TBC1D14: variants seen among roughly 807,000 people sequenced by gnomAD.
TBC1D14 encodes TBC1 domain family member 14.
A neutral mutation model predicts 79.0 loss-of-function variants in TBC1D14; 26 were observed. The ratio of observed to expected loss-of-function variants is 0.33; its 90% CI spans 0.24 to 0.46. TBC1D14 has a LOEUF of 0.46. Among genes scored for constraint, TBC1D14 ranks in the 20% least tolerant of loss-of-function variants. TBC1D14 has a pLI of 1.00. For missense variants in TBC1D14, 769 were observed against 887.6 expected (o/e 0.87, Z 1.70); for synonymous variants, 394 against 349.9 (o/e 1.13, Z -1.40).
chr4:6,944,959 G>A (rs1297687730), intron 2 of TBC1D14, among the ~76,000 whole-genome samples: 4 of 152,198 alleles, frequency 2.6e-5, no homozygotes, highest in African/African-American at 4.8e-5. Context: ...TTAAGGACAG[G>A]GCCTAGATCT....
At chr4:6,937,078 C>T (rs4689057) in intron 2 of TBC1D14, among the ~76,000 whole-genome samples, 97,676 of 151,936 alleles carry the variant, frequency 0.64, 31,970 homozygotes, top group South Asian at 0.8. Context: ...CCACTGCGCC[C>T]GGCTAATTTT....
chr4:6,962,945 A>C (rs149891266), intron 2 of TBC1D14, among the ~76,000 whole-genome samples: 2 of 152,306 alleles, frequency 1.3e-5, no homozygotes, highest in African/African-American at 4.8e-5. Flanking sequence ...ACGTGTGTAG[A>C]ACCTACTGCA....
At chr4:7,028,404 A>G (rs1347055106) in intron 13 of TBC1D14, among the ~76,000 whole-genome samples, 1 of 151,252 alleles carries the variant, frequency 6.6e-6, no homozygotes, top group Non-Finnish European at 1.5e-5. Flanking sequence ...GGGCTTGGGC[A>G]TCAGTGACGT....
intron 2 of TBC1D14, among the ~76,000 whole-genome samples, chr4:6,932,421 C>T (rs1354165196): frequency 6.6e-6 from 1 of 150,824 alleles, no homozygotes; most frequent in Non-Finnish European, 1.5e-5. Flanking sequence ...CAAAGTTAAC[C>T]AAGCAGGTAC....
At chr4:6,947,371 GCCTGTAGTC>G (rs940685808) in intron 2 of TBC1D14, among the ~76,000 whole-genome samples, 4 of 152,268 alleles carry the variant, frequency 2.6e-5, no homozygotes, top group African/African-American at 9.6e-5. Flanking sequence ...GGTGGCGGGT[GCCTGTAGTC>G]CCAGCTACTT....
In TBC1D14 at chr4:7,030,516, T is replaced by C; in HGVS notation, c.*124T>C. The C allele has an allele frequency of 1.0e-6, 1 of 967,054 alleles. No homozygotes were observed. The highest frequency in any genetic ancestry group is 1.6e-6 in the Non-Finnish European group (1 of 633,030). The allele number at this position is 967,054 out of a possible 1,614,324, so 59.9% of individuals were successfully genotyped here. A position where few individuals can be genotyped will look rare whatever the true frequency, so the allele number is the denominator to read the frequency against. Reference sequence around the variant, plus strand: ...GCTCTTTAAGTTTGATTCCTAACACTGGAGTTGGCCTTAAACAAAACAAAC... The same window carrying C: ...GCTCTTTAAGTTTGATTCCTAACACCGGAGTTGGCCTTAAACAAAACAAAC... On this transcript the variant is annotated 3_prime_UTR_variant, in exon 14 of 14. Coordinates refer to ENST00000409757, the MANE Select transcript of TBC1D14 (RefSeq NM_020773.3).
At chr4:6,939,469 C>G (rs1291692994) in intron 2 of TBC1D14, among the ~76,000 whole-genome samples, 1 of 152,140 alleles carries the variant, frequency 6.6e-6, no homozygotes, top group Non-Finnish European at 1.5e-5. Context: ...TTATTGTACG[C>G]TGGTGCTCAT....
At chr4:7,011,267 A>G (rs1720738587) in intron 11 of TBC1D14, among the ~76,000 whole-genome samples, 2 of 149,706 alleles carry the variant, frequency 1.3e-5, no homozygotes, top group South Asian at 2.2e-4. Flanking sequence ...AAAGGCAGCC[A>G]TTTGTTTAGT....
rs1236393745 is a variant in TBC1D14, at chr4:6,925,385, G to C, written c.722+1274G>C. 3.3e-5 allele frequency among the ~76,000 whole-genome samples: 5 copies of C among 152,316 alleles called. No individual in the cohort carries two copies. The East Asian group carries it at 5.8e-4, about 18-fold the overall frequency. Reference sequence around the variant, plus strand: ...CTGCAGTTGACCCTGGCTGCCCCGTGTGTGTGTCTCTAGCAGAACCCACGT... The same window carrying C: ...CTGCAGTTGACCCTGGCTGCCCCGTCTGTGTGTCTCTAGCAGAACCCACGT... On this transcript the variant is annotated intron_variant, in intron 2 of 13. Coordinates refer to ENST00000409757, the MANE Select transcript of TBC1D14 (RefSeq NM_020773.3).
At chr4:7,008,295 T>C (rs1435384901) in intron 9 of TBC1D14, among the ~76,000 whole-genome samples, 1 of 152,228 alleles carries the variant, frequency 6.6e-6, no homozygotes, top group Non-Finnish European at 1.5e-5. Context: ...CTCTCAGCCC[T>C]GGTAGAAAGT....
At position 6,923,500 on chromosome 4, in the gene TBC1D14, GC is replaced by G; in HGVS notation, c.115del (p.Arg39AspfsTer12). The G allele has an allele frequency of 6.2e-7, 1 of 1,614,130 alleles. No homozygotes were observed. The highest frequency in any genetic ancestry group is 8.5e-7 in the Non-Finnish European group (1 of 1,180,030). ...ACCTGCAACACGTCAATCTCAAGGC[GC>G]CCCGACTCCTCTCCGCGCCTGAGTA... ...QNLQHVNLKA[P>X]RLLSAPEYGP... is the part of the protein sequence containing the mutation. On this transcript the variant is annotated frameshift_variant, in exon 2 of 14. Coordinates refer to ENST00000409757, the MANE Select transcript of TBC1D14 (RefSeq NM_020773.3). LOFTEE classifies it high-confidence loss of function.
chr4:6,925,257 A>C (rs1724199313), intron 2 of TBC1D14, among the ~76,000 whole-genome samples: 2 of 152,086 alleles, frequency 1.3e-5, no homozygotes, highest in East Asian at 3.9e-4. Flanking sequence ...ACAGAATGAG[A>C]CTCCATCTCA....
chr4:6,983,356 C>T (rs970612752), intron 3 of TBC1D14, among the ~76,000 whole-genome samples: 1 of 152,104 alleles, frequency 6.6e-6, no homozygotes, highest in Non-Finnish European at 1.5e-5. Flanking sequence ...CAAGATGAAA[C>T]CAGACGTAAG....
chr4:7,023,432 C>T (rs1226293623), intron 12 of TBC1D14, among the ~76,000 whole-genome samples: 1 of 152,186 alleles, frequency 6.6e-6, no homozygotes, highest in Non-Finnish European at 1.5e-5. Context: ...TGTTAACAAG[C>T]ATGCTCTCCA....
At chr4:7,024,874 T>TG (rs1722188508) in intron 12 of TBC1D14, 130 bp from the exon 13 acceptor site, 1 of 1,242,026 alleles carries the variant, frequency 8.1e-7, no homozygotes, top group Admixed American at 2.0e-5. Context: ...AGTGCAGGCC[T>TG]GGCCCTGGCC....
At chr4:7,003,317 C>G (rs1719854684) in intron 7 of TBC1D14, among the ~76,000 whole-genome samples, 1 of 152,202 alleles carries the variant, frequency 6.6e-6, no homozygotes, top group Non-Finnish European at 1.5e-5. Flanking sequence ...AAGGGATTCC[C>G]TAGTGGCCAT....
chr4:6,927,552 T>A (rs2108935742), intron 2 of TBC1D14, among the ~76,000 whole-genome samples: 1 of 152,360 alleles, frequency 6.6e-6, no homozygotes, highest in African/African-American at 2.4e-5. Flanking sequence ...TAAAGCTTTC[T>A]CTAGTTCTCA....
At chr4:6,987,289 G>T in intron 3 of TBC1D14, 1 of 1,352,566 alleles carries the variant, frequency 7.4e-7, no homozygotes. Context: ...AGGGAGGCCG[G>T]CCCTCCGCTC....
intron 2 of TBC1D14, among the ~76,000 whole-genome samples, chr4:6,944,747 T>C (rs1049123628): frequency 6.6e-6 from 1 of 152,234 alleles, no homozygotes; most frequent in African/African-American, 2.4e-5. Context: ...TCTCCTGTCC[T>C]CCTCATCCCT....
Sources: allele counts gnomAD v4.1 joint callset (sites outside exome capture counted in the v4.1 genomes callset), GRCh38; gene constraint gnomAD v4.1.1; transcripts MANE v1.5; gene names NCBI Gene and HGNC (gene_info 2026-07-23, HGNC 2026-07-21).